SEPTIN9: variants seen among roughly 807,000 people sequenced by gnomAD.
The protein encoded by SEPTIN9 is septin 9, also known as septin-9.
A neutral mutation model predicts 56.6 loss-of-function variants in SEPTIN9; 13 were observed. That is an observed-to-expected ratio of 0.23 (90% CI 0.15 to 0.37). The LOEUF (loss-of-function observed/expected upper bound fraction) is 0.37. SEPTIN9 is among the 10% of genes least tolerant of loss of function. SEPTIN9 has a pLI of 1.00. For synonymous variants in SEPTIN9, 332 were observed against 334.1 expected, an observed-to-expected ratio of 0.99 and a Z score of 0.07; for missense variants, 650 against 823.1, an observed-to-expected ratio of 0.79 and a Z score of 2.57.
chr17:77,493,765 CTT>C (rs35829686), intron 10 of SEPTIN9, among the ~76,000 whole-genome samples: 1,269 of 111,458 alleles, frequency 0.011, 11 homozygotes, highest in African/African-American at 0.036. Flanking sequence ...CCTCCTCTTC[CTT>C]TTTTTTTTTT....
intron 3 of SEPTIN9, among the ~76,000 whole-genome samples, chr17:77,403,617 A>G (rs1245168960): frequency 6.6e-6 from 1 of 152,150 alleles, no homozygotes; most frequent in Non-Finnish European, 1.5e-5. Context: ...GGCTATAGTA[A>G]GGTGCCAGCT....
chr17:77,450,805 CCCTGCCCCTCCTCT>C lies in SEPTIN9; in HGVS notation c.722-31333_722-31320del, dbSNP rs2037935595. The C allele has an allele frequency of 1.0e-6, 1 of 986,268 alleles. No individual in the cohort carries two copies. The highest frequency in any genetic ancestry group is 1.7e-5 in the African/African-American group (1 of 57,220). The allele number at this position is 986,268 out of a possible 1,614,324, so 61.1% of individuals were successfully genotyped here. A position where few individuals can be genotyped will look rare whatever the true frequency, so the allele number is the denominator to read the frequency against. ...GCTCAGGGTGAGCTGCGCCCCCATC[CCCTGCCCCTCCTCT>C]CCTGCTCCTTCTCCCTTCCATGGTC... On this transcript the variant is annotated intron_variant, in intron 3 of 11. Coordinates refer to ENST00000427177, the MANE Select transcript of SEPTIN9 (RefSeq NM_001113491.2). This position sits in a 1 kb window ranked among gnomAD's most constrained non-coding sequence, Gnocchi z 6.0.
chr17:77,341,836 A>G (rs1159689766), intron 2 of SEPTIN9, among the ~76,000 whole-genome samples: 1 of 150,952 alleles, frequency 6.6e-6, no homozygotes, highest in Non-Finnish European at 1.5e-5. Flanking sequence ...TAATCCCAGC[A>G]CTTTGGGAGG....
rs2037284262 is a variant in SEPTIN9, at chr17:77,434,953, G to C, written c.721+32250G>C. ...ACCCTTCCTCTGCCGACATCAGGCT[G>C]CCGGTGCTGGACGGGGCCCTGGCAA... On this transcript the variant is annotated intron_variant, in intron 3 of 11. Coordinates refer to ENST00000427177, the MANE Select transcript of SEPTIN9 (RefSeq NM_001113491.2). This position sits in a 1 kb window ranked among gnomAD's most constrained non-coding sequence, Gnocchi z 5.0. Among the ~76,000 whole-genome samples the C allele has an allele frequency of 1.3e-5, 2 of 152,292 alleles. No homozygotes were observed. Among genetic ancestry groups the C allele is most frequent in the South Asian group, 4.1e-4 (2 of 4,824 alleles).
Position 77,318,210 on chromosome 17 carries a change from C to T in SEPTIN9, c.76+11013C>T, listed in dbSNP as rs1220929720. On this transcript the variant is annotated intron_variant, in intron 2 of 11. Transcript: ENST00000427177. This position sits in a 1 kb window ranked among gnomAD's most constrained non-coding sequence, Gnocchi z 4.9. ...TGCCTTCATCGCCTGCCCCTTTGAG[C>T]CTCTGGTGGCTGTGGGTGTCCCTTG... 2.0e-5 allele frequency among the ~76,000 whole-genome samples: 3 copies of T among 152,002 alleles called. No homozygotes were observed. The highest frequency in any genetic ancestry group is 4.4e-5 in the Non-Finnish European group (3 of 68,008).
intron 2 of SEPTIN9, chr17:77,376,439 A>G: frequency 1.4e-5 from 14 of 974,430 alleles, no homozygotes; most frequent in Non-Finnish European, 1.7e-5. Flanking sequence ...AGCTCCTTAC[A>G]GCGCTGGGAT....
At chr17:77,464,058 A>T (rs1007577857) in intron 3 of SEPTIN9, among the ~76,000 whole-genome samples, 11 of 147,772 alleles carry the variant, frequency 7.4e-5, no homozygotes, top group Non-Finnish European at 1.3e-4. Flanking sequence ...GGAACAATTT[A>T]AAAAATTTTT....
At position 77,409,222 on chromosome 17, in the gene SEPTIN9, G is replaced by A. The variant is rs369203966; in HGVS notation, c.721+6519G>A. Among the ~76,000 whole-genome samples, 59 of 152,206 alleles carry A rather than the reference G, an allele frequency of 3.9e-4. 3 individuals are homozygous for A. In the South Asian group the frequency reaches 0.011, roughly 28 times the overall value. ...CTAAGAACAAGTACCCTCCTTCTCCGAACTGTCCCTGGAGCCTCTCAGACC... is the reference window on the plus strand; with the variant it reads ...CTAAGAACAAGTACCCTCCTTCTCCAAACTGTCCCTGGAGCCTCTCAGACC... On this transcript the variant is annotated intron_variant, in intron 3 of 11. Coordinates refer to ENST00000427177, the MANE Select transcript of SEPTIN9 (RefSeq NM_001113491.2).
intron 2 of SEPTIN9, among the ~76,000 whole-genome samples, chr17:77,346,765 GCCTA>G (rs2033906097): frequency 6.6e-6 from 1 of 152,074 alleles, no homozygotes; most frequent in Admixed American, 6.6e-5. Context: ...GTTTGCTATG[GCCTA>G]CCTGTTTGTG....
At chr17:77,466,426 G>A in intron 3 of SEPTIN9, 1 of 985,540 alleles carries the variant, frequency 1.0e-6, no homozygotes, top group Non-Finnish European at 1.2e-6. Context: ...GAGGGGACAG[G>A]CTCCCACCCC....
chr17:77,309,741 TA>T (rs72284371), intron 2 of SEPTIN9, among the ~76,000 whole-genome samples: 16 of 150,170 alleles, frequency 1.1e-4, no homozygotes, highest in South Asian at 2.1e-4. Flanking sequence ...TCTTTCCTTT[TA>T]AAAAAAAAAT....
chr17:77,330,329 C>T lies in SEPTIN9; in HGVS notation c.76+23132C>T, dbSNP rs1486467722. 1.3e-5 allele frequency among the ~76,000 whole-genome samples: 2 copies of T among 152,336 alleles called. No homozygotes were observed. Among genetic ancestry groups the T allele is most frequent in the African/African-American group, 2.4e-5 (1 of 41,576 alleles). ...GGTGCCGGGAGCCAGCTCCAATTCA[C>T]GTGCTGGCTGTGGCCCTCAAGGTGT... On this transcript the variant is annotated intron_variant, in intron 2 of 11. Coordinates refer to ENST00000427177, the MANE Select transcript of SEPTIN9 (RefSeq NM_001113491.2). The surrounding 1 kb of genome is among the most constrained non-coding windows in gnomAD (Gnocchi z 4.4).
rs374243883 is a variant in SEPTIN9 at position 77,482,218 on chromosome 17, G to A, written c.796G>A (p.Ala266Thr). The A allele has an allele frequency of 1.1e-5, 17 of 1,612,490 alleles. No individual in the cohort carries two copies. Among genetic ancestry groups the A allele is most frequent in the East Asian group, 2.2e-5 (1 of 44,872 alleles). ...PRDAGLKQAP[A>T]SRNEKAPVDF... The stretch of plus-strand genomic sequence containing the variant: ...AGATGCCGGGCTCAAGCAGGCGCCT[G>A]CATCACGGAACGAGAAGGCCCCGGT... Residue 266 changes from alanine to threonine, a missense_variant, in exon 4 of 12, where the codon GCA becomes ACA. Coordinates refer to ENST00000427177, the MANE Select transcript of SEPTIN9 (RefSeq NM_001113491.2).
Position 77,318,815 on chromosome 17 carries a change from G to A in SEPTIN9, c.76+11618G>A, listed in dbSNP as rs551475808. Among the ~76,000 whole-genome samples the A allele has an allele frequency of 6.6e-6, 1 of 152,266 alleles. No individual in the cohort carries two copies. Among genetic ancestry groups the A allele is most frequent in the Admixed American group, 6.5e-5 (1 of 15,300 alleles). On this transcript the variant is annotated intron_variant, in intron 2 of 11. Coordinates refer to ENST00000427177, the MANE Select transcript of SEPTIN9 (RefSeq NM_001113491.2). This position sits in a 1 kb window ranked among gnomAD's most constrained non-coding sequence, Gnocchi z 4.9. ...GTCATCTAGCCGAGGGCTGTGCATG[G>A]GCCTCACCTGGTCACAGGTAACTCA... is the stretch of plus-strand genomic sequence containing the variant.
At chr17:77,394,445 AG>A in intron 2 of SEPTIN9, among the ~76,000 whole-genome samples, 1 of 152,192 alleles carries the variant, frequency 6.6e-6, no homozygotes, top group East Asian at 1.9e-4. Context: ...CTAGATAGCC[AG>A]TGTTTCTTCA....
intron 2 of SEPTIN9, among the ~76,000 whole-genome samples, chr17:77,315,892 G>T (rs1309088773): frequency 6.6e-6 from 1 of 152,202 alleles, no homozygotes; most frequent in East Asian, 1.9e-4. Context: ...GGGCTTTTGG[G>T]TAACAGTGCC....
chr17:77,320,302 G>A (rs749939733), intron 2 of SEPTIN9: 2 of 1,612,518 alleles, frequency 1.2e-6, no homozygotes, highest in South Asian at 2.2e-5. Context: ...CGGGACTCCC[G>A]CCGCTGCTAA....
intron 2 of SEPTIN9, chr17:77,320,179 A>T (rs2032856046): frequency 3.2e-6 from 5 of 1,566,316 alleles, no homozygotes; most frequent in Non-Finnish European, 4.3e-6. Flanking sequence ...CAACAGATTG[A>T]AGAAATTAGA....
chr17:77,323,428 G>C lies in SEPTIN9; in HGVS notation c.76+16231G>C, dbSNP rs1296882279. ...CAAGAAGGGAACTTTCCACTGGGGA[G>C]CTCTGTTGGGCTGGGAGGCTAGGAA... is the stretch of plus-strand genomic sequence containing the variant. On this transcript the variant is annotated intron_variant, in intron 2 of 11. Transcript: ENST00000427177. This position sits in a 1 kb window ranked among gnomAD's most constrained non-coding sequence, Gnocchi z 6.8. Among the ~76,000 whole-genome samples, 4 of 152,192 alleles carry C rather than the reference G, an allele frequency of 2.6e-5. No individual in the cohort carries two copies. Among genetic ancestry groups the C allele is most frequent in the Non-Finnish European group, 5.9e-5 (4 of 68,030 alleles).
Sources: allele counts gnomAD v4.1 joint callset (sites outside exome capture counted in the v4.1 genomes callset), GRCh38; gene constraint gnomAD v4.1.1; non-coding constraint Gnocchi (gnomAD v3.1); transcripts MANE v1.5; gene names NCBI Gene and HGNC (gene_info 2026-07-23, HGNC 2026-07-21).